Variants in CINP observed in about 807,000 individuals in gnomAD.
CINP encodes cyclin dependent kinase 2 interacting protein, also known as cyclin-dependent kinase 2-interacting protein.
Under a neutral mutation model 20.5 loss-of-function variants are expected in CINP, and 11 were observed. The observed-to-expected ratio is 0.54, with a 90% CI of 0.34 to 0.89. The LOEUF (loss-of-function observed/expected upper bound fraction) is 0.89. Among genes scored for constraint, CINP ranks in the 40% least tolerant of loss-of-function variants. The probability of loss-of-function intolerance (pLI) is 0.02; values close to 1 mark genes in which losing one functional copy is unlikely to be tolerated. For synonymous variants in CINP, 108 were observed against 102.1 expected, an observed-to-expected ratio of 1.06 and a Z score of -0.35; for missense variants, 213 against 251.0, an observed-to-expected ratio of 0.85 and a Z score of 1.02.
chr14:102,359,643 G>A (rs759078422), intron 1 of CINP, 56 bp from the exon 2 acceptor site: 53 of 1,300,280 alleles, frequency 4.1e-5, no homozygotes, highest in Non-Finnish European at 5.4e-5. Context: ...ATCATAGTTG[G>A]AGGGCAAATG....
intron 4 of CINP, among the ~76,000 whole-genome samples, chr14:102,349,287 CTT>C (rs1248448201): frequency 2.6e-5 from 4 of 152,214 alleles, no homozygotes; most frequent in Non-Finnish European, 5.9e-5. Context: ...CTACTTGACT[CTT>C]AGGTGACCTA....
intron 2 of CINP, among the ~76,000 whole-genome samples, chr14:102,357,335 T>C (rs1420594178): frequency 6.9e-6 from 1 of 144,712 alleles, no homozygotes; most frequent in African/African-American, 2.6e-5. Context: ...TGAGCCAAGA[T>C]TGCACCATTG....
intron 3 of CINP, among the ~76,000 whole-genome samples, chr14:102,354,763 AAAAAAC>A (rs779996986): frequency 1.3e-5 from 2 of 151,616 alleles, no homozygotes; most frequent in African/African-American, 4.9e-5. Flanking sequence ...CCTGTCTCAA[AAAAAAC>A]AAAAACAAAA....
At chr14:102,358,098 G>C (rs1048573038) in intron 2 of CINP, among the ~76,000 whole-genome samples, 1 of 152,166 alleles carries the variant, frequency 6.6e-6, no homozygotes, top group African/African-American at 2.4e-5. Flanking sequence ...CTGGAAGTGG[G>C]GTCTGAAGAT....
intron 3 of CINP, among the ~76,000 whole-genome samples, chr14:102,350,777 T>C (rs1441714049): frequency 1.3e-5 from 2 of 151,754 alleles, no homozygotes; most frequent in Non-Finnish European, 2.9e-5. Context: ...CTCTATCAAA[T>C]GAGCTCGTTT....
intron 3 of CINP, among the ~76,000 whole-genome samples, chr14:102,354,523 G>A (rs550614956): frequency 6.6e-6 from 1 of 151,948 alleles, no homozygotes; most frequent in Admixed American, 6.6e-5. Context: ...TTGGGAGGCT[G>A]AGGTGGGTGG....
At position 102,352,771 on chromosome 14, in the gene CINP, C is replaced by G. The variant is rs745766554; in HGVS notation, c.307-2723G>C. The stretch of plus-strand genomic sequence containing the variant: ...AAAGTGATTCTCCCGCCTCAGCCTC[C>G]CAAGTAGCTGGGATTGCAGGCACCT... On this transcript the variant is annotated intron_variant, in intron 3 of 4. Transcript: ENST00000216756. Among the ~76,000 whole-genome samples, 294 of 151,766 alleles carry G rather than the reference C, an allele frequency of 1.9e-3. 8 individuals are homozygous for G. Among genetic ancestry groups the G allele is most frequent in the Non-Finnish European group, 4.6e-4 (31 of 67,912 alleles).
At chr14:102,356,002 C>A (rs1481860729) in intron 2 of CINP, 105 bp from the exon 3 acceptor site, 2 of 1,169,708 alleles carry the variant, frequency 1.7e-6, no homozygotes, top group East Asian at 5.1e-5. Flanking sequence ...TTACGTGGGA[C>A]ATTTTGCATA....
rs963367306 is a variant in CINP at position 102,348,697 on chromosome 14, C to G, written c.499G>C (p.Ala167Pro). ...RKELLLKRTVAKELAHTGDPD... is the reference protein window; with the variant it reads ...RKELLLKRTVPKELAHTGDPD... ...TCCCCGGTGTGGGCAAGCTCCTTGGCCACCGTGCGCTTCAGGAGCAGCTCC... is the reference window on the plus strand; with the variant it reads ...TCCCCGGTGTGGGCAAGCTCCTTGGGCACCGTGCGCTTCAGGAGCAGCTCC... The change falls in exon 5 of 5, where the codon GCC becomes CCC. Residue 167 changes from alanine to proline, a missense_variant. Physicochemically the swap from Ala to Pro is conservative, Grantham distance 27. Coordinates refer to ENST00000216756, the MANE Select transcript of CINP (RefSeq NM_032630.3). 1 of 1,613,760 alleles carries G rather than the reference C, an allele frequency of 6.2e-7. No individual in the cohort carries two copies. The highest frequency in any genetic ancestry group is 1.3e-5 in the African/African-American group (1 of 74,928).
rs745926196 is a variant in CINP at position 102,355,932 on chromosome 14, A to T, written c.177-35T>A. 3 of 1,607,180 alleles carry T rather than the reference A, an allele frequency of 1.9e-6. No homozygotes were observed. The South Asian group carries it at 3.3e-5, about 18-fold the overall frequency. ...ATAGAAAATAATGTGTACAAAATATACTCTTTAAGCTTGCCTTATTTCCTT... is the reference window on the plus strand; with the variant it reads ...ATAGAAAATAATGTGTACAAAATATTCTCTTTAAGCTTGCCTTATTTCCTT... On this transcript the variant is annotated intron_variant, in intron 2 of 4. Transcript: ENST00000216756.
At chr14:102,360,961 G>A (rs1232754264) in intron 1 of CINP, among the ~76,000 whole-genome samples, 3 of 152,166 alleles carry the variant, frequency 2.0e-5, no homozygotes, top group African/African-American at 2.4e-5. Flanking sequence ...AATACGCCAG[G>A]CATGGGGGAA....
chr14:102,353,484 G>C (rs563172177), intron 3 of CINP, among the ~76,000 whole-genome samples: 1 of 152,076 alleles, frequency 6.6e-6, no homozygotes, highest in African/African-American at 2.4e-5. Flanking sequence ...AGACCAGCCC[G>C]GGCAATAGGT....
At position 102,354,983 on chromosome 14, in the gene CINP, C is replaced by A. The variant is rs934434960; in HGVS notation, c.306+785G>T. 4.0e-5 allele frequency among the ~76,000 whole-genome samples: 6 copies of A among 149,524 alleles called. No individual in the cohort carries two copies. In the East Asian group the frequency reaches 1.2e-3, roughly 30 times the overall value. ...ACCTGGGAGGCTAAGGCAGCAGAATCACTTGTACCTGGGAGGCGGAGTTTG... is the reference window on the plus strand; with the variant it reads ...ACCTGGGAGGCTAAGGCAGCAGAATAACTTGTACCTGGGAGGCGGAGTTTG... On this transcript the variant is annotated intron_variant, in intron 3 of 4. Transcript: ENST00000216756.
Position 102,348,697 on chromosome 14 carries a change from C to T in CINP, c.499G>A (p.Ala167Thr). 11 of 1,613,878 alleles carry T rather than the reference C, an allele frequency of 6.8e-6. No individual in the cohort carries two copies. The highest frequency in any genetic ancestry group is 9.3e-6 in the Non-Finnish European group (11 of 1,179,914). ...TCCCCGGTGTGGGCAAGCTCCTTGG[C>T]CACCGTGCGCTTCAGGAGCAGCTCC... ...RKELLLKRTV[A>T]KELAHTGDPD... The change falls in exon 5 of 5, where the codon GCC becomes ACC. Residue 167 changes from alanine to threonine, a missense_variant. By Grantham distance (58) the Ala-to-Thr change is moderately conservative (BLOSUM62 0). Coordinates refer to ENST00000216756, the MANE Select transcript of CINP (RefSeq NM_032630.3).
intron 4 of CINP, among the ~76,000 whole-genome samples, chr14:102,348,972 G>A (rs1164446050): frequency 6.6e-6 from 1 of 152,224 alleles, no homozygotes; most frequent in Non-Finnish European, 1.5e-5. Context: ...GTGTATACAA[G>A]CCGGGCGTGG....
At chr14:102,362,193 A>C (rs1048454501) in intron 1 of CINP, among the ~76,000 whole-genome samples, 18 of 152,216 alleles carry the variant, frequency 1.2e-4, no homozygotes, top group African/African-American at 4.3e-4. Flanking sequence ...CATACGGGGC[A>C]CATATTTAGG....
At chr14:102,362,705 G>C (rs551664559) in intron 1 of CINP, 140 bp downstream of exon 1, 290 of 1,158,288 alleles carry the variant, frequency 2.5e-4, no homozygotes, top group Non-Finnish European at 3.4e-4. Flanking sequence ...AGGGGCCTGC[G>C]GGCTAGGCTG....
intron 3 of CINP, 50 bp from the exon 4 acceptor site, chr14:102,350,098 C>A: frequency 1.3e-6 from 2 of 1,526,486 alleles, no homozygotes; most frequent in South Asian, 2.3e-5. Flanking sequence ...AATCTCCAGT[C>A]TCAGATTTAA....
intron 3 of CINP, among the ~76,000 whole-genome samples, chr14:102,355,066 C>T (rs1887929138): frequency 7.0e-6 from 1 of 143,412 alleles, no homozygotes; most frequent in Non-Finnish European, 1.5e-5. Flanking sequence ...GAGACTCCAT[C>T]TCAAAAAAAA....
Sources: gnomAD v4.1 joint callset for allele counts (sites outside exome capture counted in the v4.1 genomes callset) on GRCh38, gnomAD v4.1.1 for gene constraint, MANE v1.5 for transcripts, NCBI Gene and HGNC (gene_info 2026-07-23, HGNC 2026-07-21) for gene names.